SEPTIN1: variants seen among roughly 807,000 people sequenced by gnomAD.
SEPTIN1 encodes septin-1.
Under a neutral mutation model 50.7 loss-of-function variants are expected in SEPTIN1, and 52 were observed. The observed-to-expected ratio is 1.03, with a 90% CI of 0.82 to 1.29. The LOEUF is 1.29. Ranked by LOEUF, SEPTIN1 falls within the 50% of genes most tolerant of loss-of-function variation. The pLI is 0.00. For synonymous variants in SEPTIN1, 204 were observed against 189.1 expected (o/e 1.08, Z -0.65); for missense variants, 455 against 490.7 (o/e 0.93, Z 0.69).
chr16:30,380,255 G>T, intron 6 of SEPTIN1: 1 of 333,170 alleles, frequency 3.0e-6, no homozygotes, highest in Non-Finnish European at 5.6e-6. Flanking sequence ...GACATTAAGA[G>T]ACCAGGAGAA....
Position 30,378,418 on chromosome 16 carries a change from CG to C in SEPTIN1, c.*15del. On this transcript the variant is annotated 3_prime_UTR_variant, in exon 11 of 11. Transcript: ENST00000321367. Reference sequence around the variant, plus strand: ...ACTGAAGGCGGAGCCGAGGTAAGGCCGGGCGGGGCGTGGCCTCAGAGGGCGT... The same window carrying C: ...ACTGAAGGCGGAGCCGAGGTAAGGCCGGCGGGGCGTGGCCTCAGAGGGCGT... The C allele has an allele frequency of 6.4e-7, 1 of 1,554,700 alleles. No homozygotes were observed.
intron 7 of SEPTIN1, 106 bp from the exon 8 acceptor site, chr16:30,379,640 C>CTT (rs71149011): frequency 0.056 from 13,148 of 233,740 alleles, 333 homozygotes; most frequent in South Asian, 0.073. Context: ...GCCCCTTCCT[C>CTT]TTTTTTTTTT....
At position 30,381,972 on chromosome 16, in the gene SEPTIN1, T is replaced by C; in HGVS notation, c.197-89A>G. The C allele has an allele frequency of 6.2e-7, 1 of 1,604,264 alleles. No homozygotes were observed. The highest frequency in any genetic ancestry group is 8.5e-7 in the Non-Finnish European group (1 of 1,173,854). ...CAATATCACAGTTGCCTGCACCCAT[T>C]TCCCAGGGGAGGAAAGTCTCAGAAA... On this transcript the variant is annotated intron_variant, in intron 3 of 10. Coordinates refer to ENST00000321367, the MANE Select transcript of SEPTIN1 (RefSeq NM_001365977.2). This position sits in a 1 kb window ranked among gnomAD's most constrained non-coding sequence, Gnocchi z 4.3.
Position 30,381,893 on chromosome 16 carries a change from G to C in SEPTIN1, c.197-10C>G, listed in dbSNP as rs768062058. ...GTCTGTGTCAAGCGAGCTGTGGGAT[G>C]GGGGAGAGGTCAGGGATCCGGGGAG... On this transcript the variant is annotated splice_polypyrimidine_tract_variant and intron_variant, in intron 3 of 10. Coordinates refer to ENST00000321367, the MANE Select transcript of SEPTIN1 (RefSeq NM_001365977.2). This position sits in a 1 kb window ranked among gnomAD's most constrained non-coding sequence, Gnocchi z 4.3. 4 of 1,613,980 alleles carry C rather than the reference G, an allele frequency of 2.5e-6. No homozygotes were observed. The highest frequency in any genetic ancestry group is 2.5e-6 in the Non-Finnish European group (3 of 1,179,962).
At position 30,378,343 on chromosome 16, in the gene SEPTIN1, T is replaced by A. The variant is rs867384239; in HGVS notation, c.*91A>T. 13 of 1,261,506 alleles carry A rather than the reference T, an allele frequency of 1.0e-5. No homozygotes were observed. In the African/African-American group the frequency reaches 1.2e-4, roughly 12 times the overall value. The allele number at this position is 1,261,506 out of a possible 1,614,324, so 78.1% of individuals were successfully genotyped here. ...CGCGCGAGGGCGGCACCCGCGGAGG[T>A]CCCGGGGGGCGCTGGGCAGTGTGGG... On this transcript the variant is annotated 3_prime_UTR_variant, in exon 11 of 11. Transcript: ENST00000321367.
chr16:30,378,847 A>AGAGAGGGGGAAAGAGG (rs2049792950), intron 9 of SEPTIN1, 147 bp from the exon 10 acceptor site: 3 of 530,494 alleles, frequency 5.7e-6, no homozygotes, highest in Non-Finnish European at 9.2e-6. Context: ...GCGGGTGGGG[A>AGAGAGGGGGAAAGAGG]GAGAGGGGGA....
chr16:30,378,293 A>T lies in SEPTIN1; in HGVS notation c.*141T>A. The T allele has an allele frequency of 6.1e-6, 5 of 818,942 alleles. No homozygotes were observed. Among genetic ancestry groups the T allele is most frequent in the Non-Finnish European group, 9.4e-6 (5 of 531,948 alleles). The allele number at this position is 818,942 out of a possible 1,614,324, so 50.7% of individuals were successfully genotyped here. ...AGCGCCGGGGCGGGGCTACGGACTC[A>T]GGCTGGGAGAACCTCCCCCTAGCCC... On this transcript the variant is annotated 3_prime_UTR_variant, in exon 11 of 11. Coordinates refer to ENST00000321367, the MANE Select transcript of SEPTIN1 (RefSeq NM_001365977.2).
Position 30,381,612 on chromosome 16 carries a change from T to G in SEPTIN1, c.321-139A>C. ...TAAGGGGAACTGGTGGGGGCCTAGG[T>G]GAGTCATCAAGAAGCACAGGGACCC... On this transcript the variant is annotated intron_variant, in intron 4 of 10. Transcript: ENST00000321367. This position sits in a 1 kb window ranked among gnomAD's most constrained non-coding sequence, Gnocchi z 4.3. The G allele has an allele frequency of 6.9e-7, 1 of 1,457,460 alleles. No homozygotes were observed. Among genetic ancestry groups the G allele is most frequent in the Non-Finnish European group, 9.4e-7 (1 of 1,066,044 alleles). The allele number at this position is 1,457,460 out of a possible 1,614,324, so 90.3% of individuals were successfully genotyped here.
In SEPTIN1 at chr16:30,381,927, G is replaced by A. The variant is rs745449978; in HGVS notation, c.197-44C>T. On this transcript the variant is annotated intron_variant, in intron 3 of 10. Coordinates refer to ENST00000321367, the MANE Select transcript of SEPTIN1 (RefSeq NM_001365977.2). The surrounding 1 kb of genome is among the most constrained non-coding windows in gnomAD (Gnocchi z 4.3). ...GTCAGGGATCCGGGGAGGCTCTGAG[G>A]CAGAATTAATTTCCTTTGTCAATAT... 2 of 1,611,684 alleles carry A rather than the reference G, an allele frequency of 1.2e-6. No individual in the cohort carries two copies. The highest frequency in any genetic ancestry group is 1.7e-6 in the Non-Finnish European group (2 of 1,178,880).
chr16:30,381,115 C>A lies in SEPTIN1; in HGVS notation c.573+12G>T. ...TCACATGGGGTCAAAGGTCAGAGGTCATCACTCACACCTTCTGCTTGAGGG... is the reference window on the plus strand; with the variant it reads ...TCACATGGGGTCAAAGGTCAGAGGTAATCACTCACACCTTCTGCTTGAGGG... On this transcript the variant is annotated intron_variant, in intron 6 of 10. Coordinates refer to ENST00000321367, the MANE Select transcript of SEPTIN1 (RefSeq NM_001365977.2). This position sits in a 1 kb window ranked among gnomAD's most constrained non-coding sequence, Gnocchi z 4.3. 1 of 1,594,696 alleles carries A rather than the reference C, an allele frequency of 6.3e-7. No individual in the cohort carries two copies.
In SEPTIN1 at chr16:30,380,051, T is replaced by A; in HGVS notation, c.574-18A>T. On this transcript the variant is annotated intron_variant, in intron 6 of 10. Transcript: ENST00000321367. ...TCCCGGATCTCAGGGGAAACAGATA[T>A]AGAGACAGTGTGAAACGGGCCACAA... 1.3e-6 allele frequency: 2 copies of A among 1,599,066 alleles called. No homozygotes were observed. The highest frequency in any genetic ancestry group is 1.7e-6 in the Non-Finnish European group (2 of 1,172,280).
intron 7 of SEPTIN1, 197 bp from the exon 8 acceptor site, chr16:30,379,731 C>T (rs1305402696): frequency 1.9e-5 from 11 of 589,180 alleles, no homozygotes; most frequent in Non-Finnish European, 2.7e-5. Flanking sequence ...CTCAGCCTCC[C>T]GAGTAGCTGG....
chr16:30,379,419 G>C lies in SEPTIN1; in HGVS notation c.775+16C>G. 4 of 1,607,976 alleles carry C rather than the reference G, an allele frequency of 2.5e-6. No individual in the cohort carries two copies. Among genetic ancestry groups the C allele is most frequent in the Non-Finnish European group, 3.4e-6 (4 of 1,174,842 alleles). On this transcript the variant is annotated intron_variant, in intron 8 of 10. Transcript: ENST00000321367. ...GCTCCCTGCTGGCCTTAGGACCCCT[G>C]CCTGGCCTCACTCACCCTCCACGGT... is the stretch of plus-strand genomic sequence containing the variant.
chr16:30,379,635 T>G, intron 7 of SEPTIN1, 101 bp from the exon 8 acceptor site: 3 of 519,350 alleles, frequency 5.8e-6, no homozygotes, highest in Non-Finnish European at 6.5e-6. Context: ...TTCCTGCCCC[T>G]TCCTCTTTTT....
chr16:30,378,555 G>C, intron 10 of SEPTIN1, 35 bp from the exon 11 acceptor site: 2 of 1,604,058 alleles, frequency 1.2e-6, no homozygotes, highest in Non-Finnish European at 1.7e-6. Flanking sequence ...GTGACCTGGC[G>C]AAGCCAGAGG....
rs2049846970 is a variant in SEPTIN1, at chr16:30,381,403, G to A, written c.391C>T (p.Arg131Trp). ...QYLRDESGLNRKNIQDSRVHC... is the reference protein window; with the variant it reads ...QYLRDESGLNWKNIQDSRVHC... ...ACTCGGGAGTCCTGGATGTTCTTCC[G>A]GTTCAGGCCACTCTCATCCCTAAGG... The change falls in exon 5 of 11, where the codon CGG (arginine) becomes TGG (tryptophan). Residue 131 changes from arginine (R) to tryptophan (W), a missense_variant. Coordinates refer to ENST00000321367, the MANE Select transcript of SEPTIN1 (RefSeq NM_001365977.2). The surrounding 1 kb of genome is among the most constrained non-coding windows in gnomAD (Gnocchi z 4.3). The A allele has an allele frequency of 6.2e-7, 1 of 1,613,764 alleles. No individual in the cohort carries two copies. Among genetic ancestry groups the A allele is most frequent in the Non-Finnish European group, 8.5e-7 (1 of 1,179,964 alleles).
Position 30,379,045 on chromosome 16 carries a change from G to T in SEPTIN1, c.914C>A (p.Pro305His). Residue 305 changes from proline to histidine, a missense_variant, in exon 9 of 11, where the codon CCT (proline) becomes CAT (histidine). Physicochemically the swap from Pro to His is moderately conservative, Grantham distance 77. Transcript: ENST00000321367. ...RARCLQSLAR[P>H]GARDRASRSK... Reference sequence around the variant, plus strand: ...GCGGCTGGCTCGATCGCGAGCCCCAGGCCGGGCCAGGCTCTGTAGGCAGCG... The same window carrying T: ...GCGGCTGGCTCGATCGCGAGCCCCATGCCGGGCCAGGCTCTGTAGGCAGCG... 1 of 1,613,656 alleles carries T rather than the reference G, an allele frequency of 6.2e-7. No individual in the cohort carries two copies. Among genetic ancestry groups the T allele is most frequent in the South Asian group, 1.1e-5 (1 of 91,078 alleles).
rs7197374 is a variant in SEPTIN1 at position 30,381,565 on chromosome 16, C to A, written c.321-92G>T. ...GGACTGTGGGAGTAGAATGTCATTT[C>A]TTTGGCTCCCTCCAAAGACATTAAG... is the stretch of plus-strand genomic sequence containing the variant. On this transcript the variant is annotated intron_variant, in intron 4 of 10. Coordinates refer to ENST00000321367, the MANE Select transcript of SEPTIN1 (RefSeq NM_001365977.2). This position sits in a 1 kb window ranked among gnomAD's most constrained non-coding sequence, Gnocchi z 4.3. 2 of 1,536,386 alleles carry A rather than the reference C, an allele frequency of 1.3e-6. No homozygotes were observed. Among genetic ancestry groups the A allele is most frequent in the South Asian group, 2.3e-5 (2 of 85,510 alleles).
chr16:30,378,492 T>C lies in SEPTIN1; in HGVS notation c.1061A>G (p.Lys354Arg). 6.3e-7 allele frequency: 1 copy of C among 1,577,682 alleles called. No individual in the cohort carries two copies. The highest frequency in any genetic ancestry group is 8.6e-7 in the Non-Finnish European group (1 of 1,162,114). The change falls in exon 11 of 11, where the codon AAG becomes AGG. Residue 354 changes from lysine (K) to arginine (R), a missense_variant. By Grantham distance (26) the Lys-to-Arg change is conservative. Transcript: ENST00000321367. ...ELRRMQEMLE[K>R]MQAQMQQSQA... ...GCTCTGCTGCATTTGGGCCTGCATC[T>C]TCTCCAGCATCTCTTGCATGCGGCG...
Sources: allele counts gnomAD v4.1 joint callset, GRCh38; gene constraint gnomAD v4.1.1; non-coding constraint Gnocchi (gnomAD v3.1); transcripts MANE v1.5; gene names NCBI Gene and HGNC (gene_info 2026-07-23, HGNC 2026-07-21).